The following ARFGEF1 variants were observed in gnomAD, a reference collection of about 807,000 sequenced individuals.
The protein encoded by ARFGEF1 is brefeldin A-inhibited guanine nucleotide-exchange protein 1.
Under a neutral mutation model 231.0 loss-of-function variants are expected in ARFGEF1, and 42 were observed. That is an observed-to-expected ratio of 0.18 (90% CI 0.14 to 0.24). ARFGEF1 has a LOEUF of 0.24. ARFGEF1 is among the 10% of genes least tolerant of loss of function. The pLI is 1.00. For missense variants in ARFGEF1, 1,345 were observed against 2,192.0 expected (o/e 0.61, Z 7.72); for synonymous variants, 710 against 732.3 (o/e 0.97, Z 0.49).
At chr8:67,313,215 T>C (rs1362890398) in intron 1 of ARFGEF1, among the ~76,000 whole-genome samples, 3 of 152,182 alleles carry the variant, frequency 2.0e-5, no homozygotes, top group African/African-American at 7.2e-5. Flanking sequence ...TTCCTTGCAT[T>C]GGGCTTCACC....
chr8:67,309,981 G>A (rs975496868), intron 1 of ARFGEF1, among the ~76,000 whole-genome samples: 4 of 152,082 alleles, frequency 2.6e-5, no homozygotes, highest in East Asian at 1.9e-4. Flanking sequence ...CCAACTTTGC[G>A]TTGTAACCAC....
chr8:67,331,226 G>A (rs1808084713), intron 1 of ARFGEF1, among the ~76,000 whole-genome samples: 1 of 152,012 alleles, frequency 6.6e-6, no homozygotes, highest in Non-Finnish European at 1.5e-5. Context: ...GAAACAAAAT[G>A]AACTTTTAAA....
At chr8:67,259,977 C>A in intron 14 of ARFGEF1, 51 bp from the exon 15 acceptor site, 1 of 1,270,138 alleles carries the variant, frequency 7.9e-7, no homozygotes, top group Non-Finnish European at 1.1e-6. Context: ...TTCGTAGTCC[C>A]TGAAAAGATC....
At chr8:67,261,852 T>A (rs1042677277) in intron 14 of ARFGEF1, among the ~76,000 whole-genome samples, 2 of 142,312 alleles carry the variant, frequency 1.4e-5, no homozygotes, top group African/African-American at 2.8e-5. Flanking sequence ...TTTTTTTTTT[T>A]AAAGAAATGG....
chr8:67,311,364 G>A (rs1466357586), intron 1 of ARFGEF1, among the ~76,000 whole-genome samples: 2 of 134,350 alleles, frequency 1.5e-5, no homozygotes, highest in Non-Finnish European at 3.2e-5. Flanking sequence ...CGCCCCTACT[G>A]GGAAGTGAGG....
chr8:67,297,084 C>G (rs1806268832), intron 4 of ARFGEF1, among the ~76,000 whole-genome samples: 1 of 152,222 alleles, frequency 6.6e-6, no homozygotes, highest in Non-Finnish European at 1.5e-5. Flanking sequence ...AATATATCAT[C>G]AACTGTTAAA....
intron 9 of ARFGEF1, among the ~76,000 whole-genome samples, chr8:67,275,411 C>G (rs1805271864): frequency 6.6e-6 from 1 of 152,048 alleles, no homozygotes; most frequent in Admixed American, 6.6e-5. Context: ...GCTCCTAACT[C>G]AAAGTTCTTC....
intron 4 of ARFGEF1, 147 bp from the exon 5 acceptor site, chr8:67,296,757 C>T (rs1806253876): frequency 5.1e-6 from 3 of 585,218 alleles, no homozygotes; most frequent in Non-Finnish European, 8.7e-6. Flanking sequence ...CTTAAGTGAT[C>T]CTCTCGCAGC....
chr8:67,286,137 T>C (rs371549120), intron 7 of ARFGEF1, among the ~76,000 whole-genome samples: 55 of 152,326 alleles, frequency 3.6e-4, no homozygotes, highest in African/African-American at 1.3e-3. Context: ...GGAGAAGATA[T>C]ATGCTGTGAG....
chr8:67,175,180 T>A, downstream of ARFGEF1: 2 of 749,774 alleles, frequency 2.7e-6, no homozygotes, highest in Non-Finnish European at 4.6e-6. Context: ...TTTCACTATT[T>A]CTATCATTTC....
Position 67,343,555 on chromosome 8 carries a change from G to A in ARFGEF1, c.-268C>T. 8.8e-7 allele frequency: 1 copy of A among 1,132,354 alleles called. No homozygotes were observed. Among genetic ancestry groups the A allele is most frequent in the Non-Finnish European group, 1.1e-6 (1 of 923,500 alleles). The allele number at this position is 1,132,354 out of a possible 1,614,324, so 70.1% of individuals were successfully genotyped here. On this transcript the variant is annotated 5_prime_UTR_variant, in exon 1 of 39. Transcript: ENST00000262215. The stretch of plus-strand genomic sequence containing the variant: ...GGCCTCCGCTTCTCCCGGCCCGGGG[G>A]TCGCGTCCCGGCCGCCCCTCTCACT...
intron 15 of ARFGEF1, among the ~76,000 whole-genome samples, chr8:67,259,097 T>G (rs533846803): frequency 7.1e-4 from 108 of 152,364 alleles, no homozygotes; most frequent in Non-Finnish European, 1.1e-3. Context: ...TCAGTACAGA[T>G]GCAATTACCC....
intron 27 of ARFGEF1, among the ~76,000 whole-genome samples, chr8:67,226,473 T>C (rs1839375752): frequency 6.6e-6 from 1 of 152,114 alleles, no homozygotes; most frequent in Admixed American, 6.6e-5. Context: ...ACAAAATTAC[T>C]TAACCTCTCT....
intron 9 of ARFGEF1, among the ~76,000 whole-genome samples, chr8:67,273,419 C>CAAAAAAAAA (rs58580002): frequency 1.4e-4 from 8 of 56,610 alleles, no homozygotes; most frequent in African/African-American, 5.4e-4. Flanking sequence ...TTTTTTTTCC[C>CAAAAAAAAA]AAAAAAAAAA....
intron 1 of ARFGEF1, among the ~76,000 whole-genome samples, chr8:67,333,123 C>T (rs1320539228): frequency 7.3e-5 from 11 of 151,510 alleles, no homozygotes; most frequent in African/African-American, 2.4e-4. Flanking sequence ...GCAACCTCCA[C>T]CTCCCGGGAT....
At chr8:67,184,978 C>T (rs1429244934) in intron 5 of ARFGEF1, among the ~76,000 whole-genome samples, 1 of 146,150 alleles carries the variant, frequency 6.8e-6, no homozygotes, top group Non-Finnish European at 1.5e-5. Flanking sequence ...GTGGTGGGCA[C>T]CTATAAGTCC....
At position 67,184,915 on chromosome 8, in the gene ARFGEF1, C is replaced by T. The variant is rs186025425; in HGVS notation, c.561-9343G>A. Among the ~76,000 whole-genome samples the T allele has an allele frequency of 9.3e-4, 119 of 127,556 alleles. 1 individual carries two copies. Among genetic ancestry groups the T allele is most frequent in the African/African-American group, 2.8e-3 (94 of 34,120 alleles). 83.7% of individuals were successfully genotyped at this position (127,556 alleles called of 152,430 possible). A position where few individuals can be genotyped will look rare whatever the true frequency, so the allele number is the denominator to read the frequency against. On this transcript the variant is annotated intron_variant, in intron 5 of 5. Coordinates refer to the ARFGEF1 transcript ENST00000518789. ...GAGATTGAGACCATCCTGGCTAACA[C>T]GGTGAAATCATGTCTCTACTAAAAA...
chr8:67,258,382 G>A (rs1343311123), intron 15 of ARFGEF1, 92 bp from the exon 16 acceptor site: 3 of 899,724 alleles, frequency 3.3e-6, no homozygotes, highest in Admixed American at 2.6e-5. Context: ...CTGGGGTGCA[G>A]TGGCACGATC....
chr8:67,331,197 A>C (rs1024927882), intron 1 of ARFGEF1, among the ~76,000 whole-genome samples: 2 of 152,186 alleles, frequency 1.3e-5, no homozygotes, highest in Admixed American at 6.5e-5. Context: ...ACTGCTATTA[A>C]AACACCCATC....
Sources: allele counts gnomAD v4.1 joint callset (sites outside exome capture counted in the v4.1 genomes callset), GRCh38; gene constraint gnomAD v4.1.1; transcripts MANE v1.5; gene names NCBI Gene and HGNC (gene_info 2026-07-23, HGNC 2026-07-21).